CDH13: variants seen among roughly 807,000 people sequenced by gnomAD.
CDH13 encodes cadherin 13.
A neutral mutation model predicts 63.8 loss-of-function variants in CDH13; 24 were observed. That is an observed-to-expected ratio of 0.38 (90% CI 0.27 to 0.53). The LOEUF (loss-of-function observed/expected upper bound fraction) is 0.53. Ranked by LOEUF, CDH13 falls within the 20% of genes least tolerant of loss-of-function variation. The pLI is 0.85. For synonymous variants in CDH13, 503 were observed against 355.3 expected, an observed-to-expected ratio of 1.42 and a Z score of -4.67; for missense variants, 1,049 against 903.1, an observed-to-expected ratio of 1.16 and a Z score of -2.07.
Position 82,927,838 on chromosome 16 carries a change from C to T in CDH13, c.157+69365C>T, listed in dbSNP as rs957715993. Reference sequence around the variant, plus strand: ...TGTACTTATTGAGTGAATGAGTGACCAGTGCTAATGAGTTACTGAATATTG... The same window carrying T: ...TGTACTTATTGAGTGAATGAGTGACTAGTGCTAATGAGTTACTGAATATTG... On this transcript the variant is annotated intron_variant, in intron 2 of 13. Coordinates refer to ENST00000567109, the MANE Select transcript of CDH13 (RefSeq NM_001257.5). Among the ~76,000 whole-genome samples the T allele has an allele frequency of 3.3e-5, 5 of 152,188 alleles. No homozygotes were observed. In the East Asian group the frequency reaches 9.6e-4, roughly 29 times the overall value.
At chr16:82,963,315 G>T (rs1907312804) in intron 2 of CDH13, among the ~76,000 whole-genome samples, 1 of 152,146 alleles carries the variant, frequency 6.6e-6, no homozygotes, top group Admixed American at 6.5e-5. Flanking sequence ...AGAGGCAGAA[G>T]TTGTGGTGGA....
chr16:83,423,939 A>C (rs1204753961), intron 6 of CDH13, among the ~76,000 whole-genome samples: 2 of 152,218 alleles, frequency 1.3e-5, no homozygotes, highest in Non-Finnish European at 2.9e-5. Context: ...ACTAAACTTT[A>C]AGACATCTAC....
intron 5 of CDH13, among the ~76,000 whole-genome samples, chr16:83,246,023 C>T (rs1904957102): frequency 6.6e-6 from 1 of 152,214 alleles, no homozygotes; most frequent in Non-Finnish European, 1.5e-5. Context: ...AGGTGTGAAC[C>T]ACTGCGCCTG....
chr16:82,964,499 A>C (rs1204078078), intron 2 of CDH13, among the ~76,000 whole-genome samples: 2 of 152,204 alleles, frequency 1.3e-5, no homozygotes, highest in African/African-American at 2.4e-5. Flanking sequence ...TCCACATTGG[A>C]TAAGGGCCAC....
chr16:83,585,677 T>C (rs764125521), intron 7 of CDH13, among the ~76,000 whole-genome samples: 1 of 151,454 alleles, frequency 6.6e-6, no homozygotes, highest in East Asian at 1.9e-4. Context: ...AGAAGAAGGC[T>C]GACCATTAGA....
intron 7 of CDH13, among the ~76,000 whole-genome samples, chr16:83,549,454 T>A (rs550699842): frequency 6.6e-6 from 1 of 152,204 alleles, no homozygotes; most frequent in Non-Finnish European, 1.5e-5. Context: ...GGTAGAGGGA[T>A]GTGAGCCTCA....
chr16:82,825,186 C>G (rs996292307), intron 1 of CDH13: 2 of 152,162 alleles, frequency 1.3e-5, no homozygotes, highest in African/African-American at 2.4e-5. Flanking sequence ...GGGCAACGAA[C>G]TTTCTTCTTT....
intron 3 of CDH13, among the ~76,000 whole-genome samples, chr16:83,118,202 C>T (rs572868504): frequency 2.6e-5 from 4 of 152,276 alleles, no homozygotes; most frequent in South Asian, 2.1e-4. Context: ...TTGGTGGCGG[C>T]CCCAGAACCT....
At chr16:82,747,636 T>C (rs1382968615) in intron 1 of CDH13, among the ~76,000 whole-genome samples, 1 of 152,220 alleles carries the variant, frequency 6.6e-6, no homozygotes, top group African/African-American at 2.4e-5. Flanking sequence ...GGCTAGAGTT[T>C]GAGGACCACT....
intron 7 of CDH13, among the ~76,000 whole-genome samples, chr16:83,518,136 T>C (rs538267655): frequency 3.3e-5 from 4 of 122,410 alleles, no homozygotes; most frequent in Admixed American, 2.4e-4. Flanking sequence ...TATCATGAGA[T>C]GTGATGGTCT....
rs1278327914 is a variant in CDH13, at chr16:82,638,056, A to T, written c.45+10919A>T. Among the ~76,000 whole-genome samples, 3 of 152,318 alleles carry T rather than the reference A, an allele frequency of 2.0e-5. No homozygotes were observed. The South Asian group carries it at 6.2e-4, about 32-fold the overall frequency. On this transcript the variant is annotated intron_variant, in intron 1 of 13. Coordinates refer to ENST00000567109, the MANE Select transcript of CDH13 (RefSeq NM_001257.5). The stretch of plus-strand genomic sequence containing the variant: ...AGAGGCTGAAATCCATTGAAGGGAG[A>T]AGAGGCTGCTGTGCCTTCCTTTGCT...
chr16:83,430,741 T>C (rs183010931), intron 6 of CDH13, among the ~76,000 whole-genome samples: 1 of 152,338 alleles, frequency 6.6e-6, no homozygotes, highest in African/African-American at 2.4e-5. Context: ...GTCCTGTCTC[T>C]ACTTAATGGT....
intron 7 of CDH13, among the ~76,000 whole-genome samples, chr16:83,536,311 C>A (rs2075186985): frequency 6.6e-6 from 1 of 152,014 alleles, no homozygotes; most frequent in Non-Finnish European, 1.5e-5. Flanking sequence ...GGGGGAAGAC[C>A]ATGTTGCAAG....
intron 6 of CDH13, among the ~76,000 whole-genome samples, chr16:83,374,068 A>C (rs916445757): frequency 1.3e-5 from 2 of 152,194 alleles, no homozygotes; most frequent in African/African-American, 4.8e-5. Context: ...GGCGTGCTAA[A>C]GGGTCACACT....
At chr16:83,182,827 A>T (rs2038388241) in intron 4 of CDH13, among the ~76,000 whole-genome samples, 1 of 152,226 alleles carries the variant, frequency 6.6e-6, no homozygotes, top group Non-Finnish European at 1.5e-5. Context: ...CCACGTCATG[A>T]GGAAAAATGT....
intron 3 of CDH13, among the ~76,000 whole-genome samples, chr16:83,058,177 G>T (rs1281256439): frequency 6.6e-6 from 1 of 152,082 alleles, no homozygotes; most frequent in African/African-American, 2.4e-5. Context: ...TATCGGGCTT[G>T]GGGTGTGACC....
At chr16:83,771,420 T>C (rs1914753587) in intron 11 of CDH13, among the ~76,000 whole-genome samples, 2 of 152,204 alleles carry the variant, frequency 1.3e-5, no homozygotes, top group South Asian at 4.1e-4. Context: ...GGTCATATAA[T>C]GTGCTGAGGC....
chr16:82,838,164 T>C (rs2061628), intron 1 of CDH13, among the ~76,000 whole-genome samples: 27,900 of 152,180 alleles, frequency 0.18, 2,854 homozygotes, highest in Admixed American at 0.25. Flanking sequence ...GTCCTCACCC[T>C]TTTCATTGCA....
intron 7 of CDH13, among the ~76,000 whole-genome samples, chr16:83,501,306 A>G (rs763869647): frequency 6.6e-6 from 1 of 152,218 alleles, no homozygotes; most frequent in Non-Finnish European, 1.5e-5. Flanking sequence ...TAAAACTGGG[A>G]ACCAAAATTA....
Sources: gnomAD v4.1 joint callset for allele counts (sites outside exome capture counted in the v4.1 genomes callset) on GRCh38, gnomAD v4.1.1 for gene constraint, MANE v1.5 for transcripts, NCBI Gene and HGNC (gene_info 2026-07-23, HGNC 2026-07-21) for gene names.